The following CPEB4 variants were observed in gnomAD, a reference collection of about 807,000 sequenced individuals.
The protein encoded by CPEB4 is cytoplasmic polyadenylation element-binding protein 4.
CPEB4 carries 12 observed loss-of-function variants against 72.5 expected under a neutral mutation model. The observed-to-expected ratio is 0.17, with a 90% CI of 0.11 to 0.27. The LOEUF is 0.27. Among genes scored for constraint, CPEB4 ranks in the 10% least tolerant of loss-of-function variants. CPEB4 has a pLI of 1.00. For missense variants in CPEB4, 614 were observed against 908.5 expected (o/e 0.68, Z 4.17); for synonymous variants, 302 against 326.3 (o/e 0.93, Z 0.80).
At chr5:173,919,388 G>T (rs918859387) in intron 2 of CPEB4, among the ~76,000 whole-genome samples, 1 of 152,122 alleles carries the variant, frequency 6.6e-6, no homozygotes, top group Admixed American at 6.5e-5. Flanking sequence ...AAATATTAGG[G>T]ACCTTCCTAC....
At chr5:173,904,634 T>C (rs964498428) in intron 1 of CPEB4, among the ~76,000 whole-genome samples, 2 of 152,126 alleles carry the variant, frequency 1.3e-5, no homozygotes, top group African/African-American at 4.8e-5. Context: ...TTTATTCAAA[T>C]GTATGTCTTA....
intron 5 of CPEB4, among the ~76,000 whole-genome samples, chr5:173,946,499 A>G (rs1470277007): frequency 6.6e-6 from 1 of 152,212 alleles, no homozygotes; most frequent in African/African-American, 2.4e-5. Flanking sequence ...TTGAAAATGT[A>G]CAAAACCAAT....
At chr5:173,909,721 TG>T (rs1290214508) in intron 1 of CPEB4, among the ~76,000 whole-genome samples, 2 of 152,310 alleles carry the variant, frequency 1.3e-5, no homozygotes, top group South Asian at 2.1e-4. Context: ...TTATCTTGGC[TG>T]GATCTGGTGG....
At chr5:173,903,105 G>C (rs933159164) in intron 1 of CPEB4, among the ~76,000 whole-genome samples, 2 of 151,760 alleles carry the variant, frequency 1.3e-5, no homozygotes, top group Admixed American at 6.6e-5. Context: ...GGGGTATATG[G>C]ATGCCAGAGA....
intron 1 of CPEB4, among the ~76,000 whole-genome samples, chr5:173,902,048 T>C (rs1197906597): frequency 6.6e-6 from 1 of 152,218 alleles, no homozygotes; most frequent in Admixed American, 6.5e-5. Context: ...TAGTCCACTC[T>C]TGATGATCTG....
intron 3 of CPEB4, among the ~76,000 whole-genome samples, chr5:173,932,999 C>T (rs1757498977): frequency 6.6e-6 from 1 of 152,206 alleles, no homozygotes; most frequent in Non-Finnish European, 1.5e-5. Flanking sequence ...TTAGATTCTC[C>T]TTTCCTGTGC....
rs1755695838 is a variant in CPEB4, at chr5:173,888,683, C to G, written c.-1051C>G. Reference sequence around the variant, plus strand: ...AAAATAACTACGGTAGTGGGTTTTTCCTTTTTTTCCTCTTTTTTCCCTCTC... The same window carrying G: ...AAAATAACTACGGTAGTGGGTTTTTGCTTTTTTTCCTCTTTTTTCCCTCTC... On this transcript the variant is annotated 5_prime_UTR_variant, in exon 1 of 10. Transcript: ENST00000265085. The surrounding 1 kb of genome is among the most constrained non-coding windows in gnomAD (Gnocchi z 4.3). 3 of 397,710 alleles carry G rather than the reference C, an allele frequency of 7.5e-6. No individual in the cohort carries two copies. Among genetic ancestry groups the G allele is most frequent in the Non-Finnish European group, 1.3e-5 (3 of 225,302 alleles). 24.6% of individuals were successfully genotyped at this position (397,710 alleles called of 1,614,324 possible). A position where few individuals can be genotyped will look rare whatever the true frequency, so the allele number is the denominator to read the frequency against.
intron 2 of CPEB4, among the ~76,000 whole-genome samples, chr5:173,929,022 C>A (rs1330774749): frequency 6.6e-6 from 1 of 152,140 alleles, no homozygotes; most frequent in Admixed American, 6.5e-5. Flanking sequence ...TCTAACCTGA[C>A]AACAGGAATC....
chr5:173,939,778 A>C (rs1166985017), intron 3 of CPEB4, among the ~76,000 whole-genome samples: 1 of 151,144 alleles, frequency 6.6e-6, no homozygotes, highest in Non-Finnish European at 1.5e-5. Flanking sequence ...ACAATCTTGA[A>C]TCCTGTTAGT....
Position 173,890,799 on chromosome 5 carries a change from G to A in CPEB4, c.1066G>A (p.Ala356Thr), listed in dbSNP as rs1348084387. The change falls in exon 1 of 10, where the codon GCA becomes ACA. Residue 356 changes from alanine (A) to threonine (T), a missense_variant. Coordinates refer to ENST00000265085, the MANE Select transcript of CPEB4 (RefSeq NM_030627.4). ...QKYARPSSAF[A>T]PKSWMEDSLN... ...GTATGCTCGCCCCAGCTCTGCCTTT[G>A]CACCTAAATCCTGGATGGAAGATAG... 1 of 1,614,184 alleles carries A rather than the reference G, an allele frequency of 6.2e-7. No individual in the cohort carries two copies. Among genetic ancestry groups the A allele is most frequent in the Admixed American group, 1.7e-5 (1 of 60,030 alleles).
At chr5:173,906,525 C>T (rs1756441620) in intron 1 of CPEB4, among the ~76,000 whole-genome samples, 1 of 152,164 alleles carries the variant, frequency 6.6e-6, no homozygotes, top group South Asian at 2.1e-4. Context: ...GGGAAGAATA[C>T]ATATTAGACT....
rs926763345 is a variant in CPEB4, at chr5:173,955,271, T to A, written c.1963-639T>A. ...AGAAATTCACCTCTGACTTTTAGAC[T>A]CAGGTGAACCATTCTTACTGAGAAA... On this transcript the variant is annotated intron_variant, in intron 9 of 9. Coordinates refer to ENST00000265085, the MANE Select transcript of CPEB4 (RefSeq NM_030627.4). The surrounding 1 kb of genome is among the most constrained non-coding windows in gnomAD (Gnocchi z 4.7). Among the ~76,000 whole-genome samples the A allele has an allele frequency of 6.6e-6, 1 of 152,078 alleles. No individual in the cohort carries two copies. Among genetic ancestry groups the A allele is most frequent in the African/African-American group, 2.4e-5 (1 of 41,408 alleles).
In CPEB4 at chr5:173,958,753, TCTTA is replaced by T. The variant is rs144699627; in HGVS notation, c.*2619_*2622del. On this transcript the variant is annotated 3_prime_UTR_variant, in exon 10 of 10. Transcript: ENST00000265085. ...TAAAATAACAAAATTGTCTACAGCT[TCTTA>T]CTAAGTTTTTAAAATTATTCATAAA... 8.9e-4 allele frequency: 136 copies of T among 152,804 alleles called. No homozygotes were observed. The highest frequency in any genetic ancestry group is 3.2e-3 in the African/African-American group (133 of 41,590). 9.5% of individuals were successfully genotyped at this position (152,804 alleles called of 1,614,324 possible).
intron 3 of CPEB4, among the ~76,000 whole-genome samples, chr5:173,936,804 G>A (rs1427715363): frequency 6.9e-6 from 1 of 145,390 alleles, no homozygotes; most frequent in African/African-American, 2.6e-5. Context: ...AAAAATGCTT[G>A]TGCATTATAC....
intron 3 of CPEB4, among the ~76,000 whole-genome samples, chr5:173,939,738 C>T (rs1054479114): frequency 1.4e-5 from 2 of 143,770 alleles, no homozygotes; most frequent in African/African-American, 2.6e-5. Context: ...AATTTATGGC[C>T]ATAATATTTT....
At chr5:173,910,179 G>T (rs1169156311) in intron 1 of CPEB4, among the ~76,000 whole-genome samples, 1 of 151,868 alleles carries the variant, frequency 6.6e-6, no homozygotes, top group Non-Finnish European at 1.5e-5. Context: ...GCTTTGCCAC[G>T]TTTTTGCAAT....
In CPEB4 at chr5:173,910,523, G is replaced by A; in HGVS notation, c.1126G>A (p.Asp376Asn). The A allele has an allele frequency of 6.2e-7, 1 of 1,611,280 alleles. No homozygotes were observed. The highest frequency in any genetic ancestry group is 8.5e-7 in the Non-Finnish European group (1 of 1,178,108). Reference protein sequence around the residue: ...NRADNIFPFPDRPRTFDMHSL... With the variant: ...NRADNIFPFPNRPRTFDMHSL... ...GGTTTGTGGCTGTTTGTGTCTACAG[G>A]ATCGCCCCAGGACATTCGACATGCA... Residue 376 changes from aspartate to asparagine, a missense_variant and splice_region_variant, in exon 2 of 10, where the codon GAT becomes AAT. Physicochemically the swap from Asp to Asn is conservative, Grantham distance 23. Around this residue, in one of 5 missense-constraint regions of CPEB4, gnomAD observed 458 missense variants for 548.6 expected, o/e 0.83. Transcript: ENST00000265085.
rs1336389417 is a variant in CPEB4, at chr5:173,960,977, A to G, written c.*4840A>G. On this transcript the variant is annotated 3_prime_UTR_variant, in exon 10 of 10. Transcript: ENST00000265085. ...ACATAAGGATTTATTATAACAAAAT[A>G]TAACACTGAGAATATCCTGTTTTGT... 2.6e-5 allele frequency: 4 copies of G among 152,248 alleles called. No homozygotes were observed. The highest frequency in any genetic ancestry group is 5.9e-5 in the Non-Finnish European group (4 of 68,046). 9.4% of individuals were successfully genotyped at this position (152,248 alleles called of 1,614,324 possible).
Position 173,888,834 on chromosome 5 carries a change from C to T in CPEB4, c.-900C>T, listed in dbSNP as rs948293499. On this transcript the variant is annotated 5_prime_UTR_variant, in exon 1 of 10. Transcript: ENST00000265085. This position sits in a 1 kb window ranked among gnomAD's most constrained non-coding sequence, Gnocchi z 4.3. ...GACCTTCCAGGTCGCCCCCTCGGTC[C>T]CCGCACCCCCAGGCCGCCCGCTCAC... 7.2e-5 allele frequency: 22 copies of T among 305,072 alleles called. No individual in the cohort carries two copies. Among genetic ancestry groups the T allele is most frequent in the Non-Finnish European group, 1.2e-4 (20 of 167,814 alleles). 18.9% of individuals were successfully genotyped at this position (305,072 alleles called of 1,614,324 possible).
Sources: allele counts gnomAD v4.1 joint callset (sites outside exome capture counted in the v4.1 genomes callset), GRCh38; gene constraint gnomAD v4.1.1; regional missense constraint gnomAD v4.1.1; non-coding constraint Gnocchi (gnomAD v3.1); transcripts MANE v1.5; gene names NCBI Gene and HGNC (gene_info 2026-07-23, HGNC 2026-07-21).